TNRC6C: variants seen among roughly 807,000 people sequenced by gnomAD.
The protein encoded by TNRC6C is trinucleotide repeat containing adaptor 6C, also known as trinucleotide repeat-containing gene 6C protein.
TNRC6C carries 20 observed loss-of-function variants against 153.7 expected under a neutral mutation model. The observed-to-expected ratio is 0.13, with a 90% CI of 0.09 to 0.19. The LOEUF is 0.19. Among genes scored for constraint, TNRC6C ranks in the 10% least tolerant of loss-of-function variants. The pLI, the probability that TNRC6C is intolerant of heterozygous loss-of-function variation, is 1.00. For missense variants in TNRC6C, 1,987 were observed against 2,172.0 expected (o/e 0.91, Z 1.69); for synonymous variants, 811 against 841.4 (o/e 0.96, Z 0.63).
intron 2 of TNRC6C, among the ~76,000 whole-genome samples, chr17:78,047,563 T>C (rs1434318646): frequency 6.6e-6 from 1 of 152,164 alleles, no homozygotes; most frequent in Non-Finnish European, 1.5e-5. Flanking sequence ...GCACACTTCC[T>C]TTTTTTCCTT....
chr17:78,098,447 C>T (rs748789420), exon 17 of TNRC6C: 1 of 1,613,980 alleles, frequency 6.2e-7, no homozygotes, highest in South Asian at 1.1e-5. Context: ...CAGTACTGCA[C>T]CCACGAGGCC....
intron 1 of TNRC6C, among the ~76,000 whole-genome samples, chr17:77,989,746 A>T (rs1427360314): frequency 6.6e-6 from 1 of 152,174 alleles, no homozygotes; most frequent in Non-Finnish European, 1.5e-5. Context: ...TTAATAAATG[A>T]TGCCCAAATA....
chr17:78,020,460 A>G (rs1280286157), intron 1 of TNRC6C, among the ~76,000 whole-genome samples: 1 of 152,214 alleles, frequency 6.6e-6, no homozygotes. Flanking sequence ...CACAACTTGT[A>G]GTTTCTCAAT....
At chr17:78,064,269 G>T (rs1173198545) in intron 3 of TNRC6C, among the ~76,000 whole-genome samples, 2 of 152,266 alleles carry the variant, frequency 1.3e-5, no homozygotes, top group Non-Finnish European at 2.9e-5. Context: ...CTAAATTTTT[G>T]TATTTTTAGT....
intron 1 of TNRC6C, among the ~76,000 whole-genome samples, chr17:78,028,922 C>T (rs530952093): frequency 2.6e-5 from 4 of 152,266 alleles, no homozygotes; most frequent in South Asian, 4.1e-4. Flanking sequence ...ATTGAGGCGC[C>T]GACTCTTGCA....
At chr17:77,973,140 C>T (rs564236338) in intron 1 of TNRC6C, among the ~76,000 whole-genome samples, 18 of 152,290 alleles carry the variant, frequency 1.2e-4, no homozygotes, top group African/African-American at 4.3e-4. Flanking sequence ...CTCCTGACTT[C>T]AGGTGATCCG....
At chr17:77,998,118 TTC>T (rs746516169) in intron 1 of TNRC6C, among the ~76,000 whole-genome samples, 5 of 152,152 alleles carry the variant, frequency 3.3e-5, no homozygotes, top group Admixed American at 6.5e-5. Flanking sequence ...TGCAGAATAA[TTC>T]TGTCGCCCAA....
At chr17:78,041,930 C>T (rs1158549844) in intron 2 of TNRC6C, among the ~76,000 whole-genome samples, 3 of 152,198 alleles carry the variant, frequency 2.0e-5, no homozygotes, top group African/African-American at 7.2e-5. Context: ...ATTCTGCACA[C>T]CTCTGAGTAA....
At position 78,050,524 on chromosome 17, in the gene TNRC6C, A is replaced by G. The variant is rs764173179; in HGVS notation, c.1462A>G (p.Asn488Asp). ...GGGTTGTGCAGCTACTCAGGCTTCA[A>G]ACTCAGGGGGGAAGAACGATGGGTC... Residue 488 changes from asparagine (N) to aspartate (D), a missense_variant, in exon 3 of 20, where the codon AAC (asparagine) becomes GAC (aspartate). Asn to Asp is a conservative substitution (Grantham distance 23). This residue lies in a region of TNRC6C where 1,052 missense variants were observed against 1,017.0 expected (regional missense o/e 1.03). Transcript: ENST00000301624. The G allele has an allele frequency of 4.2e-5, 68 of 1,613,900 alleles. No individual in the cohort carries two copies. The highest frequency in any genetic ancestry group is 5.6e-5 in the Non-Finnish European group (66 of 1,179,894).
intron 2 of TNRC6C, among the ~76,000 whole-genome samples, chr17:78,040,827 C>T (rs548653215): frequency 2.9e-4 from 44 of 152,212 alleles, no homozygotes; most frequent in Non-Finnish European, 2.1e-4. Flanking sequence ...AAATCCCATC[C>T]GTCCATGCCT....
chr17:78,045,773 C>T (rs1018719871), intron 2 of TNRC6C, among the ~76,000 whole-genome samples: 13 of 151,964 alleles, frequency 8.6e-5, no homozygotes, highest in East Asian at 1.9e-4. Flanking sequence ...ACTGCTCTGC[C>T]GCCTGATTTG....
intron 3 of TNRC6C, among the ~76,000 whole-genome samples, chr17:78,063,655 C>T (rs1040384625): frequency 8.7e-5 from 13 of 149,890 alleles, no homozygotes; most frequent in Non-Finnish European, 1.8e-4. Context: ...CTTCTGCCTT[C>T]TAAGACAGAT....
chr17:78,078,636 G>T lies in TNRC6C; in HGVS notation c.3211-759G>T, dbSNP rs191477012. Among the ~76,000 whole-genome samples the T allele has an allele frequency of 5.8e-4, 89 of 152,210 alleles. 2 individuals carry two copies. In the East Asian group the frequency reaches 0.015, roughly 26 times the overall value. On this transcript the variant is annotated intron_variant, in intron 9 of 19. Coordinates refer to ENST00000301624, the Ensembl canonical transcript of TNRC6C. ...GTATGCTGGTAGTTTCTTTGAATGGGGTAGCCTTCTTGTTGTATAAACGAC... is the reference window on the plus strand; with the variant it reads ...GTATGCTGGTAGTTTCTTTGAATGGTGTAGCCTTCTTGTTGTATAAACGAC...
chr17:77,997,864 C>T (rs1232150334), intron 1 of TNRC6C, among the ~76,000 whole-genome samples: 1 of 152,066 alleles, frequency 6.6e-6, no homozygotes, highest in African/African-American at 2.4e-5. Flanking sequence ...CCGTGTTAGC[C>T]AGGATGGTCT....
intron 1 of TNRC6C, among the ~76,000 whole-genome samples, chr17:78,010,039 G>A (rs2071597491): frequency 6.6e-6 from 1 of 151,862 alleles, no homozygotes; most frequent in Non-Finnish European, 1.5e-5. Flanking sequence ...ATGCCACAGT[G>A]CCTGGCTAAT....
intron 1 of TNRC6C, among the ~76,000 whole-genome samples, chr17:77,997,451 C>A (rs980855770): frequency 2.6e-5 from 4 of 152,028 alleles, no homozygotes; most frequent in Non-Finnish European, 5.9e-5. Context: ...CAGATCTTTT[C>A]CCCCTGCCTT....
intron 16 of TNRC6C, among the ~76,000 whole-genome samples, chr17:78,096,643 C>T (rs1407375865): frequency 1.3e-5 from 2 of 152,182 alleles, no homozygotes; most frequent in Admixed American, 1.3e-4. Flanking sequence ...AGAAACCGTC[C>T]GATTCTGTTT....
intron 1 of TNRC6C, among the ~76,000 whole-genome samples, chr17:77,998,015 T>A (rs1007125508): frequency 1.8e-4 from 27 of 152,222 alleles, no homozygotes; most frequent in African/African-American, 6.0e-4. Flanking sequence ...TCACTTTTTT[T>A]AAAGTTTATT....
chr17:78,018,700 G>A (rs928291579), intron 1 of TNRC6C, among the ~76,000 whole-genome samples: 3 of 152,102 alleles, frequency 2.0e-5, no homozygotes, highest in African/African-American at 7.2e-5. Flanking sequence ...CTACTAAGAT[G>A]TGAGCTCCAC....
Sources: allele counts gnomAD v4.1 joint callset (sites outside exome capture counted in the v4.1 genomes callset), GRCh38; gene constraint gnomAD v4.1.1; regional missense constraint gnomAD v4.1.1; transcripts MANE v1.5; gene names NCBI Gene and HGNC (gene_info 2026-07-23, HGNC 2026-07-21).